Variants in PSD3 observed in about 807,000 individuals in gnomAD.
PSD3 encodes the protein PH and SEC7 domain-containing protein 3.
Under a neutral mutation model 105.5 loss-of-function variants are expected in PSD3, and 49 were observed. The ratio of observed to expected loss-of-function variants is 0.46; its 90% CI spans 0.37 to 0.59. PSD3 has a LOEUF of 0.59. Among genes scored for constraint, PSD3 ranks in the 20% least tolerant of loss-of-function variants. PSD3 has a pLI of 0.00. For synonymous variants in PSD3, 557 were observed against 457.8 expected (o/e 1.22, Z -2.77); for missense variants, 1,561 against 1,263.8 (o/e 1.24, Z -3.57).
intron 1 of PSD3, among the ~76,000 whole-genome samples, chr8:18,946,041 C>G (rs1319026233): frequency 1.3e-5 from 2 of 152,208 alleles, no homozygotes; most frequent in Non-Finnish European, 2.9e-5. Context: ...CTTTCAAGTA[C>G]AAATGAGTCA....
At chr8:18,620,747 G>T (rs1367226881) in intron 11 of PSD3, among the ~76,000 whole-genome samples, 1 of 152,096 alleles carries the variant, frequency 6.6e-6, no homozygotes, top group Non-Finnish European at 1.5e-5. Flanking sequence ...TGCAGAGTTT[G>T]ATATTTCCAT....
chr8:18,804,928 T>C (rs766054359), intron 4 of PSD3, 30 bp from the exon 5 acceptor site: 75 of 1,517,796 alleles, frequency 4.9e-5, no homozygotes, highest in East Asian at 1.1e-4. Flanking sequence ...GAGAAAATAA[T>C]AGATTTTTCT....
chr8:18,777,816 A>G (rs200825112), intron 8 of PSD3, among the ~76,000 whole-genome samples: 1 of 152,096 alleles, frequency 6.6e-6, no homozygotes, highest in African/African-American at 2.4e-5. Flanking sequence ...ACCACTATCC[A>G]CAGCCTCTGG....
chr8:19,038,005 T>C (rs1243450251), intron 1 of PSD3, among the ~76,000 whole-genome samples: 2 of 151,196 alleles, frequency 1.3e-5, no homozygotes, highest in African/African-American at 4.8e-5. Flanking sequence ...AGATTATTTA[T>C]ATATACAATC....
rs537030264 is a variant in PSD3, at chr8:18,894,792, C to T, written c.131-22059G>A. Among the ~76,000 whole-genome samples, 127 of 152,248 alleles carry T rather than the reference C, an allele frequency of 8.3e-4. 1 individual carries two copies. Among genetic ancestry groups the T allele is most frequent in the African/African-American group, 2.8e-3 (118 of 41,540 alleles). ...TAATGAGAAAAAAATACAAAGTAAA[C>T]CATAACCAGGAGAAGCTCACACATG... On this transcript the variant is annotated intron_variant, in intron 2 of 15. Transcript: ENST00000327040.
intron 9 of PSD3, among the ~76,000 whole-genome samples, chr8:18,728,758 G>C (rs1361495294): frequency 2.0e-5 from 3 of 151,924 alleles, no homozygotes; most frequent in African/African-American, 7.3e-5. Context: ...AATGTATACA[G>C]ATTTCAAAAC....
intron 1 of PSD3, chr8:19,001,709 C>T (rs13261273): frequency 0.086 from 13,156 of 152,490 alleles, 771 homozygotes; most frequent in East Asian, 0.26. Flanking sequence ...AGGAAAGCTC[C>T]AGCCTCAGCC....
intron 15 of PSD3, among the ~76,000 whole-genome samples, chr8:18,537,970 C>T (rs778308577): frequency 2.6e-5 from 4 of 152,248 alleles, no homozygotes; most frequent in Non-Finnish European, 5.9e-5. Flanking sequence ...AGCCACTGCA[C>T]GTGGCCTAGC....
chr8:18,945,951 C>T (rs1281551400), intron 1 of PSD3, among the ~76,000 whole-genome samples: 6 of 152,076 alleles, frequency 3.9e-5, no homozygotes, highest in Non-Finnish European at 7.4e-5. Context: ...CCAGCCTGGG[C>T]GAAAGAGTGA....
Position 18,655,777 on chromosome 8 carries a change from G to C in PSD3, c.2173-92C>G, listed in dbSNP as rs189705997. 7.2e-6 allele frequency: 9 copies of C among 1,248,622 alleles called. No homozygotes were observed. The East Asian group carries it at 2.1e-4, about 29-fold the overall frequency. 77.3% of individuals were successfully genotyped at this position (1,248,622 alleles called of 1,614,324 possible). A position where few individuals can be genotyped will look rare whatever the true frequency, so the allele number is the denominator to read the frequency against. ...TGACCAAGTAATTCCTTCATAAAAG[G>C]ATAGGCACGAAGCCCCCCTTGTCAG... On this transcript the variant is annotated intron_variant, in intron 9 of 15. Coordinates refer to ENST00000327040, the MANE Select transcript of PSD3 (RefSeq NM_015310.4).
At chr8:19,083,331 CAGGCACAAGAACAACGGGA>C (rs1237112687) in intron 1 of PSD3, among the ~76,000 whole-genome samples, 1 of 152,196 alleles carries the variant, frequency 6.6e-6, no homozygotes. Context: ...GGGTGGGCTG[CAGGCACAAGAACAACGGGA>C]AGGCTGGGCC....
intron 1 of PSD3, among the ~76,000 whole-genome samples, chr8:18,956,368 T>C (rs1172058954): frequency 6.6e-6 from 1 of 152,178 alleles, no homozygotes; most frequent in East Asian, 1.9e-4. Context: ...ACAGTCTGCA[T>C]TTCTAACAAG....
chr8:18,617,590 A>T (rs781429700), intron 11 of PSD3, among the ~76,000 whole-genome samples: 39 of 152,144 alleles, frequency 2.6e-4, no homozygotes, highest in Non-Finnish European at 5.0e-4. Context: ...CCCATAATAA[A>T]ATTCTAAGCT....
chr8:18,707,710 T>A (rs1801987096), intron 9 of PSD3, among the ~76,000 whole-genome samples: 1 of 152,166 alleles, frequency 6.6e-6, no homozygotes, highest in South Asian at 2.1e-4. Context: ...TTTAGCTCAT[T>A]ATAATAAAAT....
intron 12 of PSD3, among the ~76,000 whole-genome samples, chr8:18,593,108 C>A (rs1215109233): frequency 1.3e-5 from 2 of 152,078 alleles, no homozygotes; most frequent in African/African-American, 4.8e-5. Context: ...GCAATAAAAG[C>A]CAAAATTGAC....
chr8:18,781,420 T>A (rs1158316426), intron 8 of PSD3, among the ~76,000 whole-genome samples: 1 of 152,192 alleles, frequency 6.6e-6, no homozygotes, highest in Non-Finnish European at 1.5e-5. Flanking sequence ...CAATCCCTAT[T>A]AAATGTTCCT....
At chr8:18,838,759 G>A (rs535356383) in intron 4 of PSD3, among the ~76,000 whole-genome samples, 17 of 150,244 alleles carry the variant, frequency 1.1e-4, no homozygotes, top group African/African-American at 2.4e-5. Context: ...CCGCGACAGC[G>A]CCACTGCACT....
chr8:18,881,901 A>G (rs2129458701), intron 2 of PSD3, among the ~76,000 whole-genome samples: 1 of 152,298 alleles, frequency 6.6e-6, no homozygotes, highest in Non-Finnish European at 1.5e-5. Flanking sequence ...CAGAACCAAT[A>G]GGATACCAAT....
At position 18,980,166 on chromosome 8, in the gene PSD3, C is replaced by T. The variant is rs146899582; in HGVS notation, c.21+33397G>A. Among the ~76,000 whole-genome samples the T allele has an allele frequency of 9.8e-4, 149 of 152,272 alleles. 1 individual carries two copies. The highest frequency in any genetic ancestry group is 3.0e-3 in the African/African-American group (125 of 41,556). Reference sequence around the variant, plus strand: ...TGTCTGCCAAACACTATGGAAGGCACGAGGTATGTGAGTGAGACTCCACCT... The same window carrying T: ...TGTCTGCCAAACACTATGGAAGGCATGAGGTATGTGAGTGAGACTCCACCT... On this transcript the variant is annotated intron_variant, in intron 1 of 15. Transcript: ENST00000327040.
Sources: gnomAD v4.1 joint callset for allele counts (sites outside exome capture counted in the v4.1 genomes callset) on GRCh38, gnomAD v4.1.1 for gene constraint, MANE v1.5 for transcripts, NCBI Gene and HGNC (gene_info 2026-07-23, HGNC 2026-07-21) for gene names.